PTPRD: variants seen among roughly 807,000 people sequenced by gnomAD.
The protein encoded by PTPRD is receptor-type tyrosine-protein phosphatase delta.
In PTPRD, 34 loss-of-function variants were observed where a neutral mutation model predicts 214.5. The ratio of observed to expected loss-of-function variants is 0.16; its 90% CI spans 0.12 to 0.21. The LOEUF is 0.21. Ranked by LOEUF, PTPRD falls within the 10% of genes least tolerant of loss-of-function variation. The probability of loss-of-function intolerance (pLI) is 1.00; values close to 1 mark genes in which losing one functional copy is unlikely to be tolerated. For missense variants in PTPRD, 2,545 were observed against 2,398.7 expected (o/e 1.06, Z -1.27); for synonymous variants, 1,128 against 845.7 (o/e 1.33, Z -5.79).
intron 3 of PTPRD, among the ~76,000 whole-genome samples, chr9:10,112,851 T>C (rs1332079704): frequency 6.6e-6 from 1 of 152,220 alleles, no homozygotes; most frequent in East Asian, 1.9e-4. Context: ...TGTCTTAAAA[T>C]ATAATTCCCT....
chr9:8,903,270 T>C (rs1299559333), intron 11 of PTPRD, among the ~76,000 whole-genome samples: 2 of 152,134 alleles, frequency 1.3e-5, no homozygotes, highest in Non-Finnish European at 2.9e-5. Flanking sequence ...GTACTGAGCA[T>C]AGTACTCGAC....
At chr9:9,633,000 A>G (rs2095640153) in intron 7 of PTPRD, among the ~76,000 whole-genome samples, 1 of 152,158 alleles carries the variant, frequency 6.6e-6, no homozygotes, top group African/African-American at 2.4e-5. Context: ...AGATGAAATT[A>G]GAAAGAGTAG....
chr9:9,840,226 T>C (rs775261908), intron 5 of PTPRD, among the ~76,000 whole-genome samples: 28 of 151,884 alleles, frequency 1.8e-4, no homozygotes, highest in Non-Finnish European at 3.1e-4. Flanking sequence ...TTTGTAGAGA[T>C]GGGGTTTTAA....
At chr9:8,423,869 G>T (rs1213633502) in intron 35 of PTPRD, among the ~76,000 whole-genome samples, 1 of 152,036 alleles carries the variant, frequency 6.6e-6, no homozygotes, top group Non-Finnish European at 1.5e-5. Flanking sequence ...AGAAGTCAAA[G>T]GCAGTCACTA....
intron 2 of PTPRD, among the ~76,000 whole-genome samples, chr9:10,462,420 G>C (rs1283162902): frequency 6.6e-6 from 1 of 152,078 alleles, no homozygotes; most frequent in Non-Finnish European, 1.5e-5. Context: ...TGAGATTCTG[G>C]AAAGTAAACT....
At chr9:10,454,801 A>C (rs934275921) in intron 2 of PTPRD, among the ~76,000 whole-genome samples, 1 of 151,436 alleles carries the variant, frequency 6.6e-6, no homozygotes, top group Non-Finnish European at 1.5e-5. Context: ...CTTTAATTCT[A>C]AAAATGTTTA....
intron 3 of PTPRD, among the ~76,000 whole-genome samples, chr9:10,202,945 A>G (rs2099436666): frequency 6.6e-6 from 1 of 151,890 alleles, no homozygotes. Flanking sequence ...CCTAACCTCC[A>G]GAACTATGAG....
At chr9:9,238,019 T>A (rs1403175607) in intron 9 of PTPRD, among the ~76,000 whole-genome samples, 5 of 151,792 alleles carry the variant, frequency 3.3e-5, no homozygotes, top group Non-Finnish European at 5.9e-5. Flanking sequence ...TCAAGTCCCT[T>A]TCTCCTCCAT....
intron 4 of PTPRD, among the ~76,000 whole-genome samples, chr9:9,963,528 G>T (rs370778480): frequency 6.6e-6 from 1 of 152,088 alleles, no homozygotes; most frequent in Non-Finnish European, 1.5e-5. Flanking sequence ...AAGCATCATC[G>T]AATAAATCAA....
At chr9:9,765,225 A>G (rs1019136339) in intron 6 of PTPRD, among the ~76,000 whole-genome samples, 2 of 152,212 alleles carry the variant, frequency 1.3e-5, no homozygotes, top group Admixed American at 6.5e-5. Flanking sequence ...AATTATTAAC[A>G]TACGCATTTA....
At chr9:10,592,960 T>G (rs1398992266) in intron 2 of PTPRD, among the ~76,000 whole-genome samples, 2 of 151,942 alleles carry the variant, frequency 1.3e-5, no homozygotes, top group Admixed American at 6.6e-5. Context: ...TCATGTTCTT[T>G]CGCTCTTCAC....
At chr9:9,066,554 CAACAACA>C (rs944363038) in intron 10 of PTPRD, among the ~76,000 whole-genome samples, 3 of 128,644 alleles carry the variant, frequency 2.3e-5, no homozygotes, top group Non-Finnish European at 5.3e-5. Flanking sequence ...CCAACAACAA[CAACAACA>C]AAAAGTTTTG....
chr9:9,340,647 C>G (rs1362017431), intron 9 of PTPRD, among the ~76,000 whole-genome samples: 2 of 152,108 alleles, frequency 1.3e-5, no homozygotes, highest in Non-Finnish European at 2.9e-5. Flanking sequence ...AACTAAAGAG[C>G]TATGAATTGA....
intron 27 of PTPRD, among the ~76,000 whole-genome samples, chr9:8,489,146 T>C (rs1048280671): frequency 5.3e-5 from 8 of 152,196 alleles, no homozygotes; most frequent in Non-Finnish European, 8.8e-5. Flanking sequence ...TGGTACACAT[T>C]TGGATAAATC....
chr9:9,666,464 T>G (rs531220046), intron 7 of PTPRD, among the ~76,000 whole-genome samples: 1 of 152,116 alleles, frequency 6.6e-6, no homozygotes, highest in East Asian at 1.9e-4. Flanking sequence ...TGGTGGGAGT[T>G]TGTGTGGCTT....
intron 39 of PTPRD, among the ~76,000 whole-genome samples, chr9:8,363,196 A>G (rs1261545379): frequency 6.6e-6 from 1 of 152,202 alleles, no homozygotes; most frequent in East Asian, 1.9e-4. Context: ...GTTGCATCTT[A>G]TATACATTTA....
At chr9:8,511,072 T>C (rs1404883932) in intron 21 of PTPRD, among the ~76,000 whole-genome samples, 1 of 152,088 alleles carries the variant, frequency 6.6e-6, no homozygotes, top group East Asian at 1.9e-4. Flanking sequence ...TTTATTTATA[T>C]ATTTATTTAG....
chr9:10,504,052 C>T (rs898756818), intron 2 of PTPRD, among the ~76,000 whole-genome samples: 3 of 133,712 alleles, frequency 2.2e-5, no homozygotes, highest in Non-Finnish European at 4.6e-5. Context: ...GGAGGCAGAG[C>T]TTGCAGTGAG....
intron 12 of PTPRD, among the ~76,000 whole-genome samples, chr9:8,708,576 G>C (rs551114680): frequency 6.7e-6 from 1 of 149,878 alleles, no homozygotes; most frequent in Admixed American, 6.8e-5. Flanking sequence ...CTACTCAGGA[G>C]ACTGAGGCAG....
Sources: allele counts gnomAD v4.1 joint callset (sites outside exome capture counted in the v4.1 genomes callset), GRCh38; gene constraint gnomAD v4.1.1; transcripts MANE v1.5; gene names NCBI Gene and HGNC (gene_info 2026-07-23, HGNC 2026-07-21).